Variants in PTBP3 observed in about 807,000 individuals in gnomAD.
The protein encoded by PTBP3 is polypyrimidine tract-binding protein 3.
PTBP3 carries 20 observed loss-of-function variants against 58.7 expected under a neutral mutation model. The ratio of observed to expected loss-of-function variants is 0.34; its 90% CI spans 0.24 to 0.50. PTBP3 has a LOEUF of 0.50. Ranked by LOEUF, PTBP3 falls within the 20% of genes least tolerant of loss-of-function variation. PTBP3 has a pLI of 0.98. For synonymous variants in PTBP3, 185 were observed against 219.8 expected (o/e 0.84, Z 1.40); for missense variants, 509 against 637.2 (o/e 0.80, Z 2.17).
At chr9:112,267,508 A>G (rs2132155740) in intron 4 of PTBP3, among the ~76,000 whole-genome samples, 1 of 152,300 alleles carries the variant, frequency 6.6e-6, no homozygotes, top group South Asian at 2.1e-4. Context: ...ATAACTTCAA[A>G]TTATTATACT....
At chr9:112,350,378 A>T in the PTBP3 span, among the ~76,000 whole-genome samples, 3 of 152,214 alleles carry the variant, frequency 2.0e-5, no homozygotes, top group Non-Finnish European at 2.9e-5. Context: ...TAAAATTTTT[A>T]AAATAAACTT....
intron 7 of PTBP3, among the ~76,000 whole-genome samples, chr9:112,239,398 A>T (rs145794202): frequency 6.6e-6 from 1 of 152,164 alleles, no homozygotes; most frequent in African/African-American, 2.4e-5. Context: ...AGAATACGCA[A>T]TAAGTTAATT....
intron 6 of PTBP3, among the ~76,000 whole-genome samples, chr9:112,251,662 T>C (rs1836122769): frequency 1.3e-5 from 2 of 152,158 alleles, no homozygotes; most frequent in African/African-American, 4.8e-5. Flanking sequence ...TGGAGTCAGT[T>C]GTAACCAAAG....
At chr9:112,261,590 T>A (rs1198541540) in intron 5 of PTBP3, among the ~76,000 whole-genome samples, 1 of 152,208 alleles carries the variant, frequency 6.6e-6, no homozygotes, top group African/African-American at 2.4e-5. Context: ...TATTTTAATA[T>A]GTGGGCTAAG....
chr9:112,370,107 G>A, the PTBP3 span, among the ~76,000 whole-genome samples: 1 of 152,184 alleles, frequency 6.6e-6, no homozygotes. Flanking sequence ...TCCAGTCTCA[G>A]GTGTTTCTTA....
At chr9:112,252,902 T>C in intron 5 of PTBP3, 114 bp from the exon 6 acceptor site, 3 of 668,722 alleles carry the variant, frequency 4.5e-6, no homozygotes. Flanking sequence ...TCTTGAAAAC[T>C]TTGGTACCAA....
intron 12 of PTBP3, among the ~76,000 whole-genome samples, chr9:112,225,595 GT>G (rs1191817694): frequency 6.6e-6 from 1 of 152,120 alleles, no homozygotes; most frequent in African/African-American, 2.4e-5. Flanking sequence ...TTTTATCACA[GT>G]TTTTTTAAAA....
chr9:112,349,890 G>A, the PTBP3 span, among the ~76,000 whole-genome samples: 7,248 of 62,838 alleles, frequency 0.12, 2 homozygotes, highest in African/African-American at 0.16. Flanking sequence ...AAAAAAAAAA[G>A]AATTCAGTTG....
At chr9:112,290,738 A>ACACACACACACACT (rs1564438731) in intron 2 of PTBP3, among the ~76,000 whole-genome samples, 2 of 148,494 alleles carry the variant, frequency 1.3e-5, no homozygotes, top group African/African-American at 5.0e-5. Context: ...ACACACACAC[A>ACACACACACACACT]ATCAAGTGTT....
intron 7 of PTBP3, among the ~76,000 whole-genome samples, chr9:112,247,551 A>AC (rs1835937416): frequency 2.2e-5 from 2 of 91,470 alleles, no homozygotes; most frequent in Non-Finnish European, 4.0e-5. Flanking sequence ...AAAAAAAATG[A>AC]CAAAAAAAAA....
At position 112,262,518 on chromosome 9, in the gene PTBP3, T is replaced by C. The variant is rs763579063; in HGVS notation, c.433A>G (p.Thr145Ala). 6.2e-7 allele frequency: 1 copy of C among 1,612,000 alleles called. No individual in the cohort carries two copies. The highest frequency in any genetic ancestry group is 1.7e-5 in the Admixed American group (1 of 59,582). Residue 145 changes from threonine to alanine, a missense_variant, in exon 5 of 14, where the codon ACA (threonine) becomes GCA (alanine). Transcript: ENST00000374257. ...ALSGGPSNEGTVLPGQSPVLR... is the reference protein window; with the variant it reads ...ALSGGPSNEGAVLPGQSPVLR... ...ACAGGGCTCTGCCCAGGTAGGACTGTGCCTTCATTGGAAGGACCTCCAGAA... is the reference window on the plus strand; with the variant it reads ...ACAGGGCTCTGCCCAGGTAGGACTGCGCCTTCATTGGAAGGACCTCCAGAA...
At chr9:112,336,037 C>T (rs1377913215), upstream of PTBP3, among the ~76,000 whole-genome samples, 5 of 151,898 alleles carry the variant, frequency 3.3e-5, no homozygotes, top group East Asian at 9.9e-4. Context: ...CCCTGCCTGG[C>T]TAATTTTTGT....
Position 112,333,523 on chromosome 9 carries a change from G to A in PTBP3, c.-105C>T. 2 of 1,576,868 alleles carry A rather than the reference G, an allele frequency of 1.3e-6. No homozygotes were observed. The highest frequency in any genetic ancestry group is 1.7e-6 in the Non-Finnish European group (2 of 1,160,696). ...CAGAGCAGGGACTGACGGGCTAACC[G>A]CGAGCAGAGGAAGCAGGCGGCGGCA... On this transcript the variant is annotated 5_prime_UTR_variant, in exon 1 of 14. Transcript: ENST00000374257.
In PTBP3 at chr9:112,322,384, T is replaced by TCAGAGG. The variant is rs546289563; in HGVS notation, c.-52+11080_-52+11085dup. ...GTGAAACACTTGTGAAAGTCACATA[T>TCAGAGG]CAGAGGCACAGACACAGGCCTGGGG... On this transcript the variant is annotated intron_variant, in intron 1 of 13. Transcript: ENST00000374257. Among the ~76,000 whole-genome samples, 239 of 152,252 alleles carry TCAGAGG rather than the reference T, an allele frequency of 1.6e-3. 1 individual carries two copies. The highest frequency in any genetic ancestry group is 5.0e-3 in the South Asian group (24 of 4,826).
intron 1 of PTBP3, among the ~76,000 whole-genome samples, chr9:112,322,419 T>C (rs1829992937): frequency 2.0e-5 from 3 of 152,158 alleles, no homozygotes; most frequent in Admixed American, 2.0e-4. Context: ...GAACAGCTGA[T>C]ATTAATCAAA....
chr9:112,282,057 G>A lies in PTBP3; in HGVS notation c.35-6044C>T, dbSNP rs142199839. On this transcript the variant is annotated intron_variant, in intron 2 of 13. Transcript: ENST00000374257. ...AAGCAAGCTCTCTAGTGTCTCTTAAGTAGTCTAATCCAATCCCCTCATGAG... is the reference window on the plus strand; with the variant it reads ...AAGCAAGCTCTCTAGTGTCTCTTAAATAGTCTAATCCAATCCCCTCATGAG... 7.2e-5 allele frequency among the ~76,000 whole-genome samples: 11 copies of A among 152,248 alleles called. No individual in the cohort carries two copies. The East Asian group carries it at 1.7e-3, about 24-fold the overall frequency.
intron 5 of PTBP3, among the ~76,000 whole-genome samples, chr9:112,259,278 A>G (rs534618625): frequency 1.3e-4 from 20 of 152,162 alleles, no homozygotes; most frequent in Non-Finnish European, 2.5e-4. Context: ...TAGCAACAAG[A>G]GTGATTCTGC....
chr9:112,260,825 G>C (rs1263643508), intron 5 of PTBP3, among the ~76,000 whole-genome samples: 1 of 152,192 alleles, frequency 6.6e-6, no homozygotes, highest in Admixed American at 6.5e-5. Context: ...CTGAAAGGCT[G>C]AGTGTCCTAC....
chr9:112,323,714 C>T (rs1237281794), intron 1 of PTBP3, among the ~76,000 whole-genome samples: 1 of 152,090 alleles, frequency 6.6e-6, no homozygotes, highest in Non-Finnish European at 1.5e-5. Flanking sequence ...CAGAAACTTT[C>T]CAAACTGAAA....
Sources: gnomAD v4.1 joint callset for allele counts (sites outside exome capture counted in the v4.1 genomes callset) on GRCh38, gnomAD v4.1.1 for gene constraint, MANE v1.5 for transcripts, NCBI Gene and HGNC (gene_info 2026-07-23, HGNC 2026-07-21) for gene names.